The following CCDC39 variants were observed in gnomAD, a reference collection of about 807,000 sequenced individuals.
The protein encoded by CCDC39 is coiled-coil domain-containing protein 39.
CCDC39 carries 113 observed loss-of-function variants against 121.0 expected under a neutral mutation model. The ratio of observed to expected loss-of-function variants is 0.93; its 90% CI spans 0.80 to 1.09. The LOEUF (loss-of-function observed/expected upper bound fraction) is 1.09. CCDC39 is among the 50% of genes least tolerant of loss of function. The pLI is 0.00. For missense variants in CCDC39, 1,063 were observed against 1,074.7 expected, an observed-to-expected ratio of 0.99 and a Z score of 0.15; for synonymous variants, 349 against 352.2, an observed-to-expected ratio of 0.99 and a Z score of 0.10.
Position 180,644,210 on chromosome 3 carries a change from T to C in CCDC39, c.1575A>G (p.Glu525=), listed in dbSNP as rs1476292065. The C allele has an allele frequency of 6.5e-7, 1 of 1,541,670 alleles. No individual in the cohort carries two copies. Among genetic ancestry groups the C allele is most frequent in the Non-Finnish European group, 8.8e-7 (1 of 1,141,812 alleles). The part of the protein sequence containing the change: ...IKKAHSKNSD[E]KQSLMTKINE... ...TTATTTTGGTCATAAGGGACTGTTT[T>C]TCATCACTGTTTTTACTATGTGCCT... is the stretch of plus-strand genomic sequence containing the variant. The change falls in exon 12 of 20, where the codon GAA becomes GAG. Residue 525 remains glutamate, a synonymous_variant. Coordinates refer to ENST00000476379, the MANE Select transcript of CCDC39 (RefSeq NM_181426.2).
intron 3 of CCDC39, among the ~76,000 whole-genome samples, chr3:180,660,934 A>T (rs1034054094): frequency 6.6e-6 from 1 of 152,046 alleles, no homozygotes; most frequent in Admixed American, 6.6e-5. Context: ...TCATTGTAAA[A>T]TAGAGGAGAG....
At chr3:180,663,649 A>C (rs1711798327) in intron 2 of CCDC39, among the ~76,000 whole-genome samples, 1 of 151,478 alleles carries the variant, frequency 6.6e-6, no homozygotes, top group Non-Finnish European at 1.5e-5. Flanking sequence ...CAGCCTAGGA[A>C]ACAGAGCGAG....
intron 10 of CCDC39, 106 bp from the exon 11 acceptor site, chr3:180,647,349 C>T: frequency 1.0e-6 from 1 of 953,440 alleles, no homozygotes; most frequent in Non-Finnish European, 1.5e-6. Flanking sequence ...TAGGCATTAT[C>T]ATGTAATAAA....
At chr3:180,675,186 A>G (rs1712160699) in intron 1 of CCDC39, among the ~76,000 whole-genome samples, 1 of 151,976 alleles carries the variant, frequency 6.6e-6, no homozygotes, top group Non-Finnish European at 1.5e-5. Context: ...CAGAGATTCA[A>G]CTTCTTCCTG....
At chr3:180,661,791 A>G (rs1213215120) in intron 3 of CCDC39, 70 bp downstream of exon 3, 2 of 1,393,318 alleles carry the variant, frequency 1.4e-6, no homozygotes, top group African/African-American at 1.5e-5. Flanking sequence ...GAAAAAAAAA[A>G]GTCAATGCTC....
intron 14 of CCDC39, among the ~76,000 whole-genome samples, chr3:180,626,274 G>T (rs1009587343): frequency 7.2e-5 from 11 of 152,214 alleles, no homozygotes; most frequent in Admixed American, 3.3e-4. Flanking sequence ...TAAATATCTG[G>T]GCCCCTGGAT....
In CCDC39 at chr3:180,616,449, G is replaced by A. The variant is rs1351978363; in HGVS notation, c.2586+67C>T. ...TTTTAATTAGCTTTCACTTCATGATGAATGTCATGAAAGTTTTTATTTTCA... is the reference window on the plus strand; with the variant it reads ...TTTTAATTAGCTTTCACTTCATGATAAATGTCATGAAAGTTTTTATTTTCA... On this transcript the variant is annotated intron_variant, in intron 18 of 19. Coordinates refer to ENST00000476379, the MANE Select transcript of CCDC39 (RefSeq NM_181426.2). The A allele has an allele frequency of 8.1e-6, 12 of 1,489,262 alleles. 1 individual carries two copies. In the African/African-American group the frequency reaches 1.3e-4, roughly 16 times the overall value. 92.3% of individuals were successfully genotyped at this position (1,489,262 alleles called of 1,614,324 possible). A position where few individuals can be genotyped will look rare whatever the true frequency, so the allele number is the denominator to read the frequency against.
chr3:180,642,665 TTTA>T (rs1475685079), intron 12 of CCDC39, among the ~76,000 whole-genome samples: 1 of 152,148 alleles, frequency 6.6e-6, no homozygotes, highest in Non-Finnish European at 1.5e-5. Flanking sequence ...GATATAAGAT[TTTA>T]TTGTTTCATA....
chr3:180,629,649 T>G (rs1717648780), intron 14 of CCDC39, among the ~76,000 whole-genome samples: 1 of 152,212 alleles, frequency 6.6e-6, no homozygotes, highest in African/African-American at 2.4e-5. Flanking sequence ...TTTTTACACA[T>G]CTGAGACTTG....
Position 180,640,837 on chromosome 3 carries a change from G to A in CCDC39, c.1874+1156C>T, listed in dbSNP as rs186170628. Among the ~76,000 whole-genome samples the A allele has an allele frequency of 5.1e-4, 77 of 151,624 alleles. 1 individual carries two copies. The East Asian group carries it at 0.013, about 26-fold the overall frequency. ...TCCCAATGGCTTTTTTTTCCAGTGGGGTCTTTGAAAAACAAAAAAGATATA... is the reference window on the plus strand; with the variant it reads ...TCCCAATGGCTTTTTTTTCCAGTGGAGTCTTTGAAAAACAAAAAAGATATA... On this transcript the variant is annotated intron_variant, in intron 13 of 19. Transcript: ENST00000476379.
At position 180,629,983 on chromosome 3, in the gene CCDC39, G is replaced by A. The variant is rs571431212; in HGVS notation, c.1998+1486C>T. 5.9e-5 allele frequency among the ~76,000 whole-genome samples: 9 copies of A among 152,178 alleles called. No homozygotes were observed. The South Asian group carries it at 1.7e-3, about 28-fold the overall frequency. ...GAGGACTCATTTTGTGCCAGCCACC[G>A]TCCCAAGGGCTTTACATGTATTTTC... On this transcript the variant is annotated intron_variant, in intron 14 of 19. Transcript: ENST00000476379.
chr3:180,615,025 C>G lies in CCDC39; in HGVS notation c.2722G>C (p.Glu908Gln). 2 of 1,557,616 alleles carry G rather than the reference C, an allele frequency of 1.3e-6. No individual in the cohort carries two copies. The highest frequency in any genetic ancestry group is 1.7e-6 in the Non-Finnish European group (2 of 1,149,876). The change falls in exon 20 of 20, where the codon GAG (glutamate) becomes CAG (glutamine). Residue 908 changes from glutamate to glutamine, a missense_variant. By Grantham distance (29) the Glu-to-Gln change is conservative (BLOSUM62 2). Transcript: ENST00000476379. ...STSQSSIKVL[E>Q]LKFPASSSLV... ...GAAGAGGAGGCCGGGAATTTAAGCT[C>G]CAGTACTTTAATTGAAGACTGAGAA... is the stretch of plus-strand genomic sequence containing the variant.
At chr3:180,639,444 C>T (rs1345098231) in intron 13 of CCDC39, among the ~76,000 whole-genome samples, 2 of 152,024 alleles carry the variant, frequency 1.3e-5, no homozygotes, top group East Asian at 3.8e-4. Context: ...TACTACTCAG[C>T]CACAAAAAGG....
Position 180,663,795 on chromosome 3 carries a change from C to T in CCDC39, c.210+72G>A, listed in dbSNP as rs570386640. 3.5e-5 allele frequency: 49 copies of T among 1,410,912 alleles called. No individual in the cohort carries two copies. The African/African-American group carries it at 5.8e-4, about 17-fold the overall frequency. 87.4% of individuals were successfully genotyped at this position (1,410,912 alleles called of 1,614,324 possible). ...GGTTTCCTATTATAGCTGTAAAAAT[C>T]GCAGATGTAAATATACTATGAGATG... On this transcript the variant is annotated intron_variant, in intron 2 of 19. Transcript: ENST00000476379.
At chr3:180,654,365 C>T in intron 7 of CCDC39, among the ~76,000 whole-genome samples, 1 of 151,520 alleles carries the variant, frequency 6.6e-6, no homozygotes, top group East Asian at 1.9e-4. Flanking sequence ...GAGAAAAGCT[C>T]CTTGACATTG....
intron 1 of CCDC39, among the ~76,000 whole-genome samples, chr3:180,667,841 G>A (rs1475867707): frequency 6.6e-6 from 1 of 152,166 alleles, no homozygotes; most frequent in Non-Finnish European, 1.5e-5. Flanking sequence ...CAAAGGAAAT[G>A]TTCTTGAAGA....
At chr3:180,625,715 T>G (rs911154069) in intron 14 of CCDC39, among the ~76,000 whole-genome samples, 6 of 152,096 alleles carry the variant, frequency 3.9e-5, no homozygotes, top group Non-Finnish European at 5.9e-5. Flanking sequence ...TGTGGTAGTG[T>G]GGTCTTTGTA....
intron 13 of CCDC39, among the ~76,000 whole-genome samples, chr3:180,640,732 A>T (rs181481784): frequency 6.6e-6 from 1 of 152,100 alleles, no homozygotes; most frequent in Non-Finnish European, 1.5e-5. Flanking sequence ...AGAATCAATA[A>T]TAAATACAAA....
intron 13 of CCDC39, among the ~76,000 whole-genome samples, chr3:180,637,110 C>T (rs1006000323): frequency 1.2e-4 from 18 of 152,100 alleles, no homozygotes; most frequent in African/African-American, 2.2e-4. Flanking sequence ...AGCTTCTGCA[C>T]GGCAAAGTAA....
Sources: allele counts gnomAD v4.1 joint callset (sites outside exome capture counted in the v4.1 genomes callset), GRCh38; gene constraint gnomAD v4.1.1; transcripts MANE v1.5; gene names NCBI Gene and HGNC (gene_info 2026-07-23, HGNC 2026-07-21).